The following TNPO1 variants were observed in gnomAD, a reference collection of about 807,000 sequenced individuals.
TNPO1 encodes the protein transportin-1.
Under a neutral mutation model 119.5 loss-of-function variants are expected in TNPO1, and 8 were observed. That is an observed-to-expected ratio of 0.07 (90% confidence interval 0.04 to 0.12). The LOEUF (loss-of-function observed/expected upper bound fraction) is 0.12. Among genes scored for constraint, TNPO1 ranks in the 10% least tolerant of loss-of-function variants. The pLI, the probability that TNPO1 is intolerant of heterozygous loss-of-function variation, is 1.00. For missense variants in TNPO1, 576 were observed against 1,089.8 expected (o/e 0.53, Z 6.64); for synonymous variants, 362 against 363.0 (o/e 1.00, Z 0.03).
At chr5:72,844,045 C>G (rs528043253) in intron 1 of TNPO1, among the ~76,000 whole-genome samples, 1 of 152,330 alleles carries the variant, frequency 6.6e-6, no homozygotes, top group East Asian at 1.9e-4. Flanking sequence ...TTAATAGCAA[C>G]AACAATAGCG....
intron 4 of TNPO1, among the ~76,000 whole-genome samples, chr5:72,857,460 G>T (rs1188360634): frequency 6.6e-6 from 1 of 152,092 alleles, no homozygotes; most frequent in Non-Finnish European, 1.5e-5. Flanking sequence ...ACATTTGATG[G>T]GTAGAGGACA....
intron 22 of TNPO1, 36 bp downstream of exon 22, chr5:72,901,109 AT>A: frequency 7.3e-7 from 1 of 1,377,046 alleles, no homozygotes; most frequent in Non-Finnish European, 1.0e-6. Context: ...TTAATGTCTA[AT>A]TAATAAAATT....
In TNPO1 at chr5:72,866,062, G is replaced by C. The variant is rs549094148; in HGVS notation, c.596+333G>C. ...TTTTGTTTTTGTTTTTGTTTTTTTA[G>C]CTTTGATTTTAGAATCGGGATACAT... On this transcript the variant is annotated intron_variant, in intron 6 of 24. Transcript: ENST00000337273. Among the ~76,000 whole-genome samples the C allele has an allele frequency of 7.8e-4, 119 of 151,994 alleles. 1 individual carries two copies. Among genetic ancestry groups the C allele is most frequent in the Admixed American group, 1.2e-3 (18 of 15,256 alleles).
chr5:72,891,319 G>T (rs537575657), intron 14 of TNPO1, among the ~76,000 whole-genome samples: 1 of 152,014 alleles, frequency 6.6e-6, no homozygotes, highest in East Asian at 1.9e-4. Context: ...CAAAAAATTA[G>T]CCGGGTGTGG....
intron 1 of TNPO1, among the ~76,000 whole-genome samples, chr5:72,832,803 G>A (rs777985757): frequency 6.6e-6 from 1 of 152,100 alleles, no homozygotes; most frequent in Non-Finnish European, 1.5e-5. Flanking sequence ...GAAGTAGATG[G>A]GGAATGAATT....
At position 72,848,456 on chromosome 5, in the gene TNPO1, G is replaced by A; in HGVS notation, c.87G>A (p.Glu29=). The A allele has an allele frequency of 4.3e-6, 7 of 1,611,988 alleles. No homozygotes were observed. Among genetic ancestry groups the A allele is most frequent in the Non-Finnish European group, 5.1e-6 (6 of 1,178,912 alleles). The change falls in exon 2 of 25, where the codon GAG becomes GAA. Residue 29 remains glutamate (E), a synonymous_variant. Coordinates refer to ENST00000337273, the MANE Select transcript of TNPO1 (RefSeq NM_002270.4). ...GLQQILQLLK[E]SQSPDTTIQR... ...AGCAAATCCTGCAGCTGTTGAAGGA[G>A]TCCCAGTCCCCAGACACCACCATCC...
intron 13 of TNPO1, 89 bp downstream of exon 13, chr5:72,888,392 A>G: frequency 1.7e-6 from 2 of 1,154,882 alleles, no homozygotes; most frequent in South Asian, 1.5e-5. Flanking sequence ...TAAACCTATA[A>G]TGAAGTGTTT....
chr5:72,864,903 C>T (rs1259834037), intron 5 of TNPO1, among the ~76,000 whole-genome samples: 2 of 152,158 alleles, frequency 1.3e-5, no homozygotes, highest in Non-Finnish European at 2.9e-5. Flanking sequence ...GCCACCACAC[C>T]TGGCCTAAGT....
chr5:72,894,717 T>C (rs1749299796), intron 18 of TNPO1, among the ~76,000 whole-genome samples: 1 of 152,208 alleles, frequency 6.6e-6, no homozygotes, highest in Non-Finnish European at 1.5e-5. Flanking sequence ...TTTAAAATAT[T>C]AATTGAATGT....
Position 72,913,299 on chromosome 5 carries a change from A to T in TNPO1, c.*4626A>T, listed in dbSNP as rs1750681968. 6.6e-6 allele frequency: 1 copy of T among 152,512 alleles called. No homozygotes were observed. Among genetic ancestry groups the T allele is most frequent in the African/African-American group, 2.4e-5 (1 of 41,454 alleles). 9.4% of individuals were successfully genotyped at this position (152,512 alleles called of 1,614,324 possible). On this transcript the variant is annotated 3_prime_UTR_variant, in exon 25 of 25. Coordinates refer to ENST00000337273, the MANE Select transcript of TNPO1 (RefSeq NM_002270.4). ...CAAGTGAATTGTGACTAATTTTTTC[A>T]ATCTTACATAGATCTTTCACCCATT...
chr5:72,906,231 A>G (rs1423744965), intron 24 of TNPO1, among the ~76,000 whole-genome samples: 2 of 63,332 alleles, frequency 3.2e-5, no homozygotes, highest in Non-Finnish European at 6.1e-5. Context: ...TTTTCACTGT[A>G]TGTTTCACTG....
intron 1 of TNPO1, among the ~76,000 whole-genome samples, chr5:72,829,469 G>C (rs1416718718): frequency 1.3e-5 from 2 of 152,228 alleles, no homozygotes; most frequent in Non-Finnish European, 2.9e-5. Context: ...AGATTCAAGT[G>C]ACATGTAGCT....
Position 72,865,745 on chromosome 5 carries a change from G to T in TNPO1, c.596+16G>T. 6.2e-7 allele frequency: 1 copy of T among 1,605,380 alleles called. No homozygotes were observed. The highest frequency in any genetic ancestry group is 2.2e-5 in the East Asian group (1 of 44,774). ...CAAAAATAAGGTACTTATATTGCCAGTACTAATTGATTAACTGTGATATAA... is the reference window on the plus strand; with the variant it reads ...CAAAAATAAGGTACTTATATTGCCATTACTAATTGATTAACTGTGATATAA... On this transcript the variant is annotated intron_variant, in intron 6 of 24. Transcript: ENST00000337273.
chr5:72,841,799 T>C (rs1258997149), intron 1 of TNPO1, among the ~76,000 whole-genome samples: 2 of 152,160 alleles, frequency 1.3e-5, no homozygotes, highest in Non-Finnish European at 2.9e-5. Flanking sequence ...TAAATAATTG[T>C]ATTCTTTAAA....
intron 1 of TNPO1, 91 bp downstream of exon 1, chr5:72,816,843 C>A: frequency 7.0e-7 from 1 of 1,433,390 alleles, no homozygotes; most frequent in Non-Finnish European, 9.3e-7. Context: ...ACGGGAGAGA[C>A]GCCGGGCTCG....
chr5:72,903,275 A>G (rs1325113119), intron 22 of TNPO1, among the ~76,000 whole-genome samples: 3 of 152,094 alleles, frequency 2.0e-5, no homozygotes, highest in Non-Finnish European at 4.4e-5. Context: ...TAATTTCTCT[A>G]TTTCAAATCA....
In TNPO1 at chr5:72,908,846, G is replaced by A. The variant is rs1482621049; in HGVS notation, c.*173G>A. On this transcript the variant is annotated 3_prime_UTR_variant, in exon 25 of 25. Transcript: ENST00000337273. ...GGAGGGGCGGGAGGGAGGTGTTGCC[G>A]TCACTGTATTAAGTCGATGTTGGGA... 3 of 449,816 alleles carry A rather than the reference G, an allele frequency of 6.7e-6. No individual in the cohort carries two copies. Among genetic ancestry groups the A allele is most frequent in the South Asian group, 1.6e-5 (1 of 63,524 alleles). The allele number at this position is 449,816 out of a possible 1,614,324, so 27.9% of individuals were successfully genotyped here.
At chr5:72,824,857 G>A (rs1744133654) in intron 1 of TNPO1, among the ~76,000 whole-genome samples, 1 of 152,042 alleles carries the variant, frequency 6.6e-6, no homozygotes, top group South Asian at 2.1e-4. Flanking sequence ...TCCCCTAAAT[G>A]TTTAATAATA....
At chr5:72,846,325 A>T (rs1745126864) in intron 1 of TNPO1, among the ~76,000 whole-genome samples, 1 of 152,216 alleles carries the variant, frequency 6.6e-6, no homozygotes, top group African/African-American at 2.4e-5. Flanking sequence ...ATGTGCATCT[A>T]TTAAAAGGTG....
Sources: allele counts gnomAD v4.1 joint callset (sites outside exome capture counted in the v4.1 genomes callset), GRCh38; gene constraint gnomAD v4.1.1; transcripts MANE v1.5; gene names NCBI Gene and HGNC (gene_info 2026-07-23, HGNC 2026-07-21).